TFEC: variants seen among roughly 807,000 people sequenced by gnomAD.
TFEC encodes the protein class E basic helix-loop-helix protein 34.
A neutral mutation model predicts 41.6 loss-of-function variants in TFEC; 31 were observed. That is an observed-to-expected ratio of 0.74 (90% CI 0.56 to 1.01). TFEC has a LOEUF of 1.01. Ranked by LOEUF, TFEC falls within the 50% of genes least tolerant of loss-of-function variation. The pLI is 0.00. For synonymous variants in TFEC, 143 were observed against 140.6 expected, an observed-to-expected ratio of 1.02 and a Z score of -0.12; for missense variants, 402 against 404.1, an observed-to-expected ratio of 0.99 and a Z score of 0.04.
intron 1 of TFEC, among the ~76,000 whole-genome samples, chr7:116,148,828 G>A (rs1041423989): frequency 5.9e-5 from 9 of 151,792 alleles, no homozygotes; most frequent in Non-Finnish European, 8.8e-5. Flanking sequence ...GTAAATCTGC[G>A]AGTCATTCAC....
chr7:116,148,827 C>T (rs1176668083), intron 1 of TFEC, among the ~76,000 whole-genome samples: 2 of 151,486 alleles, frequency 1.3e-5, no homozygotes, highest in South Asian at 2.1e-4. Context: ...TGTAAATCTG[C>T]GAGTCATTCA....
chr7:116,055,139 T>A (rs1231141884), intron 3 of TFEC, among the ~76,000 whole-genome samples: 1 of 152,134 alleles, frequency 6.6e-6, no homozygotes, highest in Non-Finnish European at 1.5e-5. Context: ...ATAAGTTCAA[T>A]TATGATGACA....
At chr7:116,144,618 G>A (rs972754809) in intron 1 of TFEC, among the ~76,000 whole-genome samples, 2 of 152,054 alleles carry the variant, frequency 1.3e-5, no homozygotes, top group African/African-American at 4.8e-5. Flanking sequence ...CCAAAGCATT[G>A]GAATAACGGG....
intron 3 of TFEC, among the ~76,000 whole-genome samples, chr7:116,094,947 T>G (rs2115873149): frequency 6.6e-6 from 1 of 152,334 alleles, no homozygotes; most frequent in Admixed American, 6.5e-5. Context: ...AATCACTGAT[T>G]TTATATAACA....
chr7:116,009,982 A>T (rs1228785325), intron 1 of TFEC, among the ~76,000 whole-genome samples: 2 of 152,170 alleles, frequency 1.3e-5, no homozygotes, highest in African/African-American at 4.8e-5. Flanking sequence ...AAAGGATGGG[A>T]TGATAGGGCT....
intron 3 of TFEC, among the ~76,000 whole-genome samples, chr7:116,037,518 A>G (rs1209768221): frequency 6.6e-6 from 1 of 152,004 alleles, no homozygotes; most frequent in Admixed American, 6.6e-5. Flanking sequence ...TTGGCAAATA[A>G]TTGGCATTAA....
chr7:116,065,596 GACTCA>G (rs1322314823), intron 3 of TFEC, among the ~76,000 whole-genome samples: 1 of 152,068 alleles, frequency 6.6e-6, no homozygotes, highest in South Asian at 2.1e-4. Context: ...ATAATCTAGA[GACTCA>G]ACTCATACCA....
At chr7:116,036,729 A>G (rs114194051) in intron 3 of TFEC, among the ~76,000 whole-genome samples, 2 of 152,218 alleles carry the variant, frequency 1.3e-5, no homozygotes, top group African/African-American at 4.8e-5. Flanking sequence ...TTAAAGATAA[A>G]TTACCCATGG....
intron 3 of TFEC, among the ~76,000 whole-genome samples, chr7:115,972,460 C>A (rs1793177373): frequency 6.6e-6 from 1 of 152,130 alleles, no homozygotes; most frequent in African/African-American, 2.4e-5. Context: ...GTTCCACATT[C>A]TTTCCCGCCC....
intron 1 of TFEC, among the ~76,000 whole-genome samples, chr7:116,014,424 G>A (rs919336618): frequency 6.6e-6 from 1 of 151,638 alleles, no homozygotes; most frequent in Admixed American, 6.6e-5. Context: ...ATGTTTTACT[G>A]TAACTTCATA....
intron 3 of TFEC, among the ~76,000 whole-genome samples, chr7:115,967,242 G>A (rs944588490): frequency 4.0e-5 from 6 of 151,350 alleles, no homozygotes; most frequent in African/African-American, 1.5e-4. Flanking sequence ...TGTGCACTAT[G>A]ATATATTTAA....
chr7:116,047,776 C>T (rs2130942439), intron 3 of TFEC, among the ~76,000 whole-genome samples: 1 of 152,278 alleles, frequency 6.6e-6, no homozygotes, highest in Admixed American at 6.5e-5. Context: ...ACACCTCATA[C>T]AGCCAGGTGC....
chr7:115,951,025 C>G lies in TFEC; in HGVS notation c.440-76G>C, dbSNP rs531580231. On this transcript the variant is annotated intron_variant, in intron 5 of 7. Transcript: ENST00000265440. The stretch of plus-strand genomic sequence containing the variant: ...TTTGGTCAGCTGTAAACATTTTTAA[C>G]AATCTTTTAAAAACAATGGGAAAAA... 6 of 845,526 alleles carry G rather than the reference C, an allele frequency of 7.1e-6. No homozygotes were observed. In the South Asian group the frequency reaches 1.6e-4, roughly 22 times the overall value. The allele number at this position is 845,526 out of a possible 1,614,324, so 52.4% of individuals were successfully genotyped here.
intron 3 of TFEC, among the ~76,000 whole-genome samples, chr7:116,053,409 ATGC>A (rs538710591): frequency 7.9e-5 from 12 of 152,272 alleles, no homozygotes; most frequent in African/African-American, 1.9e-4. Flanking sequence ...GAGGATAATA[ATGC>A]TGCTGCTGCT....
chr7:115,958,169 C>T (rs34372699), intron 3 of TFEC, among the ~76,000 whole-genome samples: 20,712 of 151,698 alleles, frequency 0.14, 1,886 homozygotes, highest in Non-Finnish European at 0.21. Context: ...CTATTGGAGT[C>T]ATCAGCTATT....
At chr7:116,104,702 T>C (rs997560367) in intron 3 of TFEC, among the ~76,000 whole-genome samples, 1 of 151,324 alleles carries the variant, frequency 6.6e-6, no homozygotes, top group African/African-American at 2.4e-5. Flanking sequence ...TTGAAGTATG[T>C]AAAGTATAAT....
At chr7:116,114,554 G>T (rs1017969675) in intron 1 of TFEC, among the ~76,000 whole-genome samples, 1 of 151,934 alleles carries the variant, frequency 6.6e-6, no homozygotes, top group African/African-American at 2.4e-5. Context: ...GAGGGCATCT[G>T]GATGCTGTGG....
chr7:116,049,176 A>G (rs906836697), intron 3 of TFEC, among the ~76,000 whole-genome samples: 1 of 152,214 alleles, frequency 6.6e-6, no homozygotes, highest in African/African-American at 2.4e-5. Flanking sequence ...ATTAAAAGAC[A>G]CAGACTAGCA....
At chr7:116,068,772 T>A (rs1023284582) in intron 3 of TFEC, among the ~76,000 whole-genome samples, 10 of 151,710 alleles carry the variant, frequency 6.6e-5, no homozygotes, top group Non-Finnish European at 1.5e-4. Flanking sequence ...GCAGAAAATC[T>A]ACTAGATACA....
Sources: allele counts gnomAD v4.1 joint callset (sites outside exome capture counted in the v4.1 genomes callset), GRCh38; gene constraint gnomAD v4.1.1; transcripts MANE v1.5; gene names NCBI Gene and HGNC (gene_info 2026-07-23, HGNC 2026-07-21).